The following HLA-DRB5 variants were observed in gnomAD, a reference collection of about 807,000 sequenced individuals.
HLA-DRB5 encodes the protein DR beta-5.
A neutral mutation model predicts 22.4 loss-of-function variants in HLA-DRB5; 11 were observed. The observed-to-expected ratio is 0.49, with a 90% CI of 0.31 to 0.81. The LOEUF (loss-of-function observed/expected upper bound fraction) is 0.81, where lower values mean the gene tolerates loss of function less well. Among genes scored for constraint, HLA-DRB5 ranks in the 40% least tolerant of loss-of-function variants. The pLI is 0.05. For missense variants in HLA-DRB5, 106 were observed against 274.4 expected, an observed-to-expected ratio of 0.39 and a Z score of 4.34; for synonymous variants, 57 against 106.0, an observed-to-expected ratio of 0.54 and a Z score of 2.84.
intron 2 of HLA-DRB5, among the ~76,000 whole-genome samples, chr6:32,520,483 A>G (rs116277159): frequency 0.61 from 31,791 of 51,976 alleles, 12,682 homozygotes; most frequent in Middle Eastern, 0.72. Context: ...AGTTTTGAAA[A>G]TTCTTACATT....
intron 1 of HLA-DRB5, among the ~76,000 whole-genome samples, chr6:32,524,609 G>T (rs79949014): frequency 0.51 from 40,741 of 79,842 alleles, 11,981 homozygotes; most frequent in Middle Eastern, 0.66. Flanking sequence ...CCTTCACAAA[G>T]CTCCGTTTGC....
rs757240509 is a variant in HLA-DRB5, at chr6:32,520,943, GAAAA to G, written c.370+958_370+961del. Among the ~76,000 whole-genome samples, 477 of 61,342 alleles carry G rather than the reference GAAAA, an allele frequency of 7.8e-3. 25 individuals carry two copies. In the Middle Eastern group the frequency reaches 0.091, roughly 12 times the overall value. 40.2% of individuals were successfully genotyped at this position (61,342 alleles called of 152,430 possible). On this transcript the variant is annotated intron_variant, in intron 2 of 5. Transcript: ENST00000374975. ...AAAATACTAAGCCCTGGAGATAACA[GAAAA>G]TAGATCATTGTCCATTACCTACCAA...
In HLA-DRB5 at chr6:32,521,706, T is replaced by G. The variant is rs1269879734; in HGVS notation, c.370+199A>C. On this transcript the variant is annotated intron_variant, in intron 2 of 5. Transcript: ENST00000374975. ...AAAGGCCACAAAGACAAATCCACAC[T>G]CTACACACACACCTGTGTCCTCAGA... Among the ~76,000 whole-genome samples, 2 of 62,312 alleles carry G rather than the reference T, an allele frequency of 3.2e-5. 1 individual carries two copies. The highest frequency in any genetic ancestry group is 6.8e-5 in the Non-Finnish European group (2 of 29,340). The allele number at this position is 62,312 out of a possible 152,430, so 40.9% of individuals were successfully genotyped here. A position where few individuals can be genotyped will look rare whatever the true frequency, so the allele number is the denominator to read the frequency against.
chr6:32,529,172 A>G (rs115003145), intron 1 of HLA-DRB5, among the ~76,000 whole-genome samples: 101,777 of 122,942 alleles, frequency 0.83, 43,502 homozygotes, highest in Middle Eastern at 0.9. Context: ...CTTGATCATT[A>G]ACTTTCAGCC....
intron 2 of HLA-DRB5, 60 bp from the exon 3 acceptor site, chr6:32,519,711 G>A (rs113115047): frequency 0.11 from 52,003 of 483,042 alleles, 399 homozygotes; most frequent in Admixed American, 0.2. Flanking sequence ...CTCCCTTTTT[G>A]GCTGTTTGTC....
intron 1 of HLA-DRB5, among the ~76,000 whole-genome samples, chr6:32,527,529 AAG>A (rs1491411539): frequency 3.5e-5 from 1 of 28,870 alleles, no homozygotes; most frequent in Non-Finnish European, 7.3e-5. Flanking sequence ...ATTAAAAAAA[AAG>A]AATATAAATT....
At position 32,522,070 on chromosome 6, in the gene HLA-DRB5, A is replaced by G; in HGVS notation, c.205T>C (p.Phe69Leu). 5 of 1,501,708 alleles carry G rather than the reference A, an allele frequency of 3.3e-6. No homozygotes were observed. The highest frequency in any genetic ancestry group is 1.8e-5 in the Admixed American group (1 of 55,872). 93.0% of individuals were successfully genotyped at this position (1,501,708 alleles called of 1,614,324 possible). A position where few individuals can be genotyped will look rare whatever the true frequency, so the allele number is the denominator to read the frequency against. The change falls in exon 2 of 6, where the codon TTC (phenylalanine) becomes CTC (leucine). Residue 69 changes from phenylalanine (F) to leucine (L), a missense_variant. Phe to Leu is a conservative substitution (Grantham distance 22, BLOSUM62 0). Coordinates refer to ENST00000374975, the MANE Select transcript of HLA-DRB5 (RefSeq NM_002125.4). ...CGGTACTCCCCCACGTCGCTGTCGA[A>G]GCGCAAGTCCTCCTCTTGGTTATAG... ...DIYNQEEDLR[F>L]DSDVGEYRAV...
rs182428146 is a variant in HLA-DRB5 at position 32,523,760 on chromosome 6, G to A, written c.101-1586C>T. Among the ~76,000 whole-genome samples the A allele has an allele frequency of 4.9e-4, 38 of 78,116 alleles. No individual in the cohort carries two copies. The South Asian group carries it at 9.2e-3, about 19-fold the overall frequency. The allele number at this position is 78,116 out of a possible 152,430, so 51.2% of individuals were successfully genotyped here. On this transcript the variant is annotated intron_variant, in intron 1 of 5. Coordinates refer to ENST00000374975, the MANE Select transcript of HLA-DRB5 (RefSeq NM_002125.4). ...TGTCTACTTTTGCATAATGAAGCAA[G>A]CAAAAATAAACCATAAAGAACTGAA... is the stretch of plus-strand genomic sequence containing the variant.
At chr6:32,524,586 CTTTG>C (rs1224894720) in intron 1 of HLA-DRB5, among the ~76,000 whole-genome samples, 317 of 90,494 alleles carry the variant, frequency 3.5e-3, no homozygotes, top group East Asian at 0.022. Context: ...GGTCCCCAGA[CTTTG>C]TGTAGAGACC....
chr6:32,518,276 C>T (rs567031244), intron 4 of HLA-DRB5, among the ~76,000 whole-genome samples, 199 bp from the exon 5 acceptor site: 665 of 51,120 alleles, frequency 0.013, no homozygotes, highest in Non-Finnish European at 0.016. Context: ...AGTGTAATTG[C>T]ATTAGCCTTA....
In HLA-DRB5 at chr6:32,527,066, T is replaced by C. The variant is rs1269240549; in HGVS notation, c.100+3059A>G. 6.9e-3 allele frequency among the ~76,000 whole-genome samples: 133 copies of C among 19,394 alleles called. 16 individuals are homozygous for C. The highest frequency in any genetic ancestry group is 7.5e-3 in the Non-Finnish European group (71 of 9,460). The allele number at this position is 19,394 out of a possible 152,430, so 12.7% of individuals were successfully genotyped here. A position where few individuals can be genotyped will look rare whatever the true frequency, so the allele number is the denominator to read the frequency against. ...TTAACAAGGTAAGCAAAATCCACTT[T>C]ATCTTTTTCACTGTCTTTATCACTA... On this transcript the variant is annotated intron_variant, in intron 1 of 5. Coordinates refer to ENST00000374975, the MANE Select transcript of HLA-DRB5 (RefSeq NM_002125.4).
intron 3 of HLA-DRB5, among the ~76,000 whole-genome samples, 194 bp downstream of exon 3, chr6:32,519,171 CCAGGA>C (rs1562423990): frequency 1.5e-3 from 107 of 73,742 alleles, no homozygotes; most frequent in South Asian, 4.5e-3. Flanking sequence ...CTCCTTCCTG[CCAGGA>C]ATGACTGCTT....
intron 2 of HLA-DRB5, 34 bp downstream of exon 2, chr6:32,521,871 C>G (rs200551752): frequency 1.8e-6 from 2 of 1,097,362 alleles, no homozygotes; most frequent in Non-Finnish European, 2.6e-6. Flanking sequence ...TCCCAGCTCA[C>G]AAGGACCCAG....
intron 1 of HLA-DRB5, among the ~76,000 whole-genome samples, chr6:32,522,974 AG>A (rs1769133474): frequency 8.0e-6 from 1 of 124,230 alleles, no homozygotes; most frequent in African/African-American, 3.0e-5. Context: ...AACTTCTTCA[AG>A]AAACTAGAAC....
At chr6:32,524,301 A>G (rs79246411) in intron 1 of HLA-DRB5, among the ~76,000 whole-genome samples, 31,219 of 119,200 alleles carry the variant, frequency 0.26, 181 homozygotes, top group Admixed American at 0.31. Flanking sequence ...ACCAAATCAT[A>G]TCATTTGTCT....
chr6:32,530,093 A>ATTTT (rs1770189836), intron 1 of HLA-DRB5, 32 bp downstream of exon 1: 1 of 1,135,028 alleles, frequency 8.8e-7, no homozygotes, highest in Admixed American at 2.2e-5. Context: ...TCCCCACCCC[A>ATTTT]TAGTAGCTCA....
chr6:32,521,343 G>A (rs1328390974), intron 2 of HLA-DRB5, among the ~76,000 whole-genome samples: 527 of 116,798 alleles, frequency 4.5e-3, no homozygotes, highest in Middle Eastern at 0.013. Context: ...CTTCAGAAGT[G>A]CCTCAGAGGT....
In HLA-DRB5 at chr6:32,526,478, C is replaced by T. The variant is rs1288102047; in HGVS notation, c.100+3647G>A. Among the ~76,000 whole-genome samples the T allele has an allele frequency of 6.1e-5, 3 of 49,114 alleles. 1 individual carries two copies. The highest frequency in any genetic ancestry group is 2.7e-4 in the African/African-American group (3 of 11,226). The allele number at this position is 49,114 out of a possible 152,430, so 32.2% of individuals were successfully genotyped here. ...AACACAGTACACCTATTGATGCCAC[C>T]AACATAAATACCTCCAGCCCTGGCC... On this transcript the variant is annotated intron_variant, in intron 1 of 5. Transcript: ENST00000374975.
intron 1 of HLA-DRB5, among the ~76,000 whole-genome samples, chr6:32,526,754 G>C (rs112494654): frequency 0.11 from 3,983 of 37,086 alleles, 1,852 homozygotes; most frequent in Middle Eastern, 0.28. Flanking sequence ...CTCCTGACCT[G>C]GTGATCCGCC....
Sources: allele counts gnomAD v4.1 joint callset (sites outside exome capture counted in the v4.1 genomes callset), GRCh38; gene constraint gnomAD v4.1.1; transcripts MANE v1.5; gene names NCBI Gene and HGNC (gene_info 2026-07-23, HGNC 2026-07-21).